Variants in RCAN2 observed in about 807,000 individuals in gnomAD.
The protein encoded by RCAN2 is regulator of calcineurin 2.
RCAN2 carries 9 observed loss-of-function variants against 23.6 expected under a neutral mutation model. The observed-to-expected ratio is 0.38, with a 90% CI of 0.23 to 0.67. The LOEUF (loss-of-function observed/expected upper bound fraction) is 0.67. Ranked by LOEUF, RCAN2 falls within the 30% of genes least tolerant of loss-of-function variation. RCAN2 has a pLI of 0.51. For missense variants in RCAN2, 273 were observed against 302.3 expected, an observed-to-expected ratio of 0.90 and a Z score of 0.72; for synonymous variants, 109 against 115.7, an observed-to-expected ratio of 0.94 and a Z score of 0.37.
At chr6:46,286,945 C>T (rs780224097) in intron 2 of RCAN2, among the ~76,000 whole-genome samples, 11 of 151,804 alleles carry the variant, frequency 7.2e-5, no homozygotes, top group African/African-American at 2.2e-4. Flanking sequence ...GTGGAGGTTG[C>T]GGTGAGCCGA....
intron 2 of RCAN2, among the ~76,000 whole-genome samples, chr6:46,396,719 A>G (rs1173004032): frequency 6.6e-6 from 1 of 152,214 alleles, no homozygotes; most frequent in East Asian, 1.9e-4. Flanking sequence ...AACAGAATAC[A>G]TTTCTATCTT....
chr6:46,387,287 A>G (rs1194440416), intron 2 of RCAN2, among the ~76,000 whole-genome samples: 1 of 152,232 alleles, frequency 6.6e-6, no homozygotes, highest in Non-Finnish European at 1.5e-5. Context: ...CTGCACAGCA[A>G]AAGAAACTAC....
chr6:46,335,324 G>A (rs1364777478), intron 2 of RCAN2, among the ~76,000 whole-genome samples: 1 of 152,182 alleles, frequency 6.6e-6, no homozygotes, highest in East Asian at 1.9e-4. Flanking sequence ...CCTGCCATGA[G>A]TCTCATTATT....
At chr6:46,241,471 G>A (rs929228927) in intron 4 of RCAN2, among the ~76,000 whole-genome samples, 4 of 152,166 alleles carry the variant, frequency 2.6e-5, no homozygotes, top group African/African-American at 7.2e-5. Flanking sequence ...TGATCTGCAC[G>A]TCCTGCTGGA....
At chr6:46,455,202 T>C (rs549391799) in intron 2 of RCAN2, among the ~76,000 whole-genome samples, 41 of 152,332 alleles carry the variant, frequency 2.7e-4, no homozygotes, top group Admixed American at 2.4e-3. Flanking sequence ...AAGAAGAAAT[T>C]GGCATGTGCC....
At chr6:46,354,085 C>T (rs1038342020) in intron 2 of RCAN2, among the ~76,000 whole-genome samples, 1 of 151,976 alleles carries the variant, frequency 6.6e-6, no homozygotes, top group Non-Finnish European at 1.5e-5. Flanking sequence ...GTTAAGTTTC[C>T]TTTTAAATGT....
chr6:46,404,773 T>C (rs1001060316), intron 2 of RCAN2, among the ~76,000 whole-genome samples: 3 of 152,336 alleles, frequency 2.0e-5, no homozygotes, highest in Middle Eastern at 3.4e-3. Context: ...CTTTATTATA[T>C]GATATCATCA....
At chr6:46,439,099 T>C (rs1767455062) in intron 2 of RCAN2, among the ~76,000 whole-genome samples, 1 of 152,210 alleles carries the variant, frequency 6.6e-6, no homozygotes, top group East Asian at 1.9e-4. Flanking sequence ...TAGTCCACTG[T>C]AGGAGATACT....
chr6:46,286,286 A>G (rs1375480381), intron 2 of RCAN2, among the ~76,000 whole-genome samples: 1 of 152,032 alleles, frequency 6.6e-6, no homozygotes, highest in Non-Finnish European at 1.5e-5. Context: ...TCTGTTTGTC[A>G]TTTTCTTTTT....
chr6:46,265,946 C>A (rs930538685), intron 2 of RCAN2, among the ~76,000 whole-genome samples: 1 of 152,192 alleles, frequency 6.6e-6, no homozygotes, highest in African/African-American at 2.4e-5. Context: ...ATAATCATCA[C>A]TAACACCAGT....
At chr6:46,464,675 C>A (rs1341436338) in intron 1 of RCAN2, among the ~76,000 whole-genome samples, 3 of 152,186 alleles carry the variant, frequency 2.0e-5, no homozygotes. Context: ...AATTTCACAC[C>A]TGCTGAGCTA....
At chr6:46,247,007 G>A in intron 3 of RCAN2, 88 bp from the exon 4 acceptor site, 1 of 1,169,672 alleles carries the variant, frequency 8.5e-7, no homozygotes, top group Non-Finnish European at 1.2e-6. Flanking sequence ...TTTAGTTTCA[G>A]CCTGCGACAA....
chr6:46,334,195 T>G (rs1043255292), intron 2 of RCAN2, among the ~76,000 whole-genome samples: 39 of 152,218 alleles, frequency 2.6e-4, no homozygotes, highest in African/African-American at 8.9e-4. Context: ...TAGCCTGCAT[T>G]ATTTTTCTTC....
chr6:46,301,232 G>A (rs922673423), intron 2 of RCAN2, among the ~76,000 whole-genome samples: 10 of 152,020 alleles, frequency 6.6e-5, no homozygotes, highest in African/African-American at 2.4e-4. Context: ...AACCCAACAG[G>A]ATTCAATAAT....
intron 2 of RCAN2, among the ~76,000 whole-genome samples, chr6:46,422,233 C>A (rs1344443635): frequency 6.6e-6 from 1 of 152,112 alleles, no homozygotes; most frequent in Non-Finnish European, 1.5e-5. Flanking sequence ...AAGAGCCTGG[C>A]ACCTCCCCGG....
chr6:46,385,739 C>T (rs965440703), intron 2 of RCAN2, among the ~76,000 whole-genome samples: 1 of 151,798 alleles, frequency 6.6e-6, no homozygotes, highest in East Asian at 1.9e-4. Context: ...TGCCTATAAT[C>T]CCAGCTACTC....
intron 4 of RCAN2, among the ~76,000 whole-genome samples, chr6:46,244,812 G>A (rs148813312): frequency 6.6e-6 from 1 of 152,206 alleles, no homozygotes; most frequent in Non-Finnish European, 1.5e-5. Context: ...ATTCTATAAA[G>A]AGCTCTGTTT....
chr6:46,242,540 A>G lies in RCAN2; in HGVS notation c.571+4208T>C, dbSNP rs376666245. On this transcript the variant is annotated intron_variant, in intron 4 of 4. Transcript: ENST00000371374. ...CTGCTCTACCAATTAAACACTGTTC[A>G]TCATTCCTCTAATGCAAAACTCCAT... Among the ~76,000 whole-genome samples, 13 of 152,344 alleles carry G rather than the reference A, an allele frequency of 8.5e-5. 1 individual carries two copies. In the East Asian group the frequency reaches 1.7e-3, roughly 20 times the overall value.
At chr6:46,392,135 A>G (rs1016716510) in intron 2 of RCAN2, among the ~76,000 whole-genome samples, 18 of 152,158 alleles carry the variant, frequency 1.2e-4, no homozygotes, top group African/African-American at 3.9e-4. Flanking sequence ...ATGTACATGT[A>G]AGCCATGCTA....
Sources: gnomAD v4.1 joint callset for allele counts (sites outside exome capture counted in the v4.1 genomes callset) on GRCh38, gnomAD v4.1.1 for gene constraint, MANE v1.5 for transcripts, NCBI Gene and HGNC (gene_info 2026-07-23, HGNC 2026-07-21) for gene names.